Variants in ATP8A2 observed in about 807,000 individuals in gnomAD.
ATP8A2 encodes phospholipid-transporting ATPase IB.
Under a neutral mutation model 165.6 loss-of-function variants are expected in ATP8A2, and 100 were observed. The ratio of observed to expected loss-of-function variants is 0.60; its 90% CI spans 0.51 to 0.71. The LOEUF (loss-of-function observed/expected upper bound fraction) is 0.71, where lower values mean the gene tolerates loss of function less well. ATP8A2 is among the 30% of genes least tolerant of loss of function. The pLI is 0.00. For synonymous variants in ATP8A2, 543 were observed against 548.8 expected, an observed-to-expected ratio of 0.99 and a Z score of 0.15; for missense variants, 1,227 against 1,479.5, an observed-to-expected ratio of 0.83 and a Z score of 2.80.
At chr13:25,930,221 A>T (rs1299530871) in intron 33 of ATP8A2, among the ~76,000 whole-genome samples, 2 of 152,150 alleles carry the variant, frequency 1.3e-5, no homozygotes, top group African/African-American at 2.4e-5. Context: ...TCTTTTAACA[A>T]TGTGAATCAA....
chr13:25,774,772 T>A (rs951405651), intron 26 of ATP8A2, 77 bp from the exon 27 acceptor site: 1 of 829,568 alleles, frequency 1.2e-6, no homozygotes, highest in African/African-American at 1.7e-5. Context: ...CTGACTTCTG[T>A]TCATAAGGAC....
chr13:25,687,295 T>C (rs1593196221), intron 24 of ATP8A2, among the ~76,000 whole-genome samples: 1 of 152,336 alleles, frequency 6.6e-6, no homozygotes, highest in East Asian at 1.9e-4. Context: ...GTGATCTCTT[T>C]TTCCATTCTT....
intron 24 of ATP8A2, among the ~76,000 whole-genome samples, chr13:25,651,185 C>G (rs2041803081): frequency 6.6e-6 from 1 of 152,126 alleles, no homozygotes; most frequent in African/African-American, 2.4e-5. Context: ...TTGCTCAAAC[C>G]TGTAATCCCA....
At chr13:25,960,644 C>T (rs1027449863) in intron 33 of ATP8A2, among the ~76,000 whole-genome samples, 22 of 152,100 alleles carry the variant, frequency 1.4e-4, no homozygotes, top group Non-Finnish European at 2.9e-5. Flanking sequence ...GGCTTTTGCT[C>T]ATTCAAAACC....
chr13:25,386,524 A>G (rs1461529057), intron 1 of ATP8A2, among the ~76,000 whole-genome samples: 1 of 152,170 alleles, frequency 6.6e-6, no homozygotes, highest in African/African-American at 2.4e-5. Flanking sequence ...GAATCCAAAT[A>G]GCCATTTCCT....
chr13:25,673,973 T>C (rs1399117393), intron 24 of ATP8A2, among the ~76,000 whole-genome samples: 2 of 152,186 alleles, frequency 1.3e-5, no homozygotes, highest in Non-Finnish European at 2.9e-5. Context: ...ACAAGCTGTT[T>C]TTTGTGGTTC....
intron 1 of ATP8A2, among the ~76,000 whole-genome samples, chr13:25,399,397 C>CTTCTTTTTT (rs1555264877): frequency 1.4e-5 from 1 of 74,058 alleles, no homozygotes; most frequent in African/African-American, 5.0e-5. Context: ...AGTGGTTCTT[C>CTTCTTTTTT]TTTTTTTTTT....
At chr13:25,440,932 C>T (rs1475013381) in intron 1 of ATP8A2, among the ~76,000 whole-genome samples, 2 of 152,074 alleles carry the variant, frequency 1.3e-5, no homozygotes, top group African/African-American at 2.4e-5. Flanking sequence ...TAGATGAATA[C>T]TTAAAAGGAT....
At chr13:25,455,915 C>T (rs867972766) in intron 1 of ATP8A2, among the ~76,000 whole-genome samples, 31 of 152,100 alleles carry the variant, frequency 2.0e-4, no homozygotes, top group African/African-American at 5.8e-4. Context: ...ATAGTTTTTC[C>T]ATTCTCTACT....
chr13:25,830,015 T>G (rs1951423270), intron 28 of ATP8A2, among the ~76,000 whole-genome samples: 1 of 151,112 alleles, frequency 6.6e-6, no homozygotes, highest in South Asian at 2.1e-4. Context: ...TTGCAATTTT[T>G]TTTTTTTTTT....
At chr13:25,836,120 G>A (rs1951596740) in intron 28 of ATP8A2, among the ~76,000 whole-genome samples, 1 of 152,156 alleles carries the variant, frequency 6.6e-6, no homozygotes, top group Non-Finnish European at 1.5e-5. Flanking sequence ...GGTAAACTGG[G>A]CCCTTTCTGG....
intron 33 of ATP8A2, among the ~76,000 whole-genome samples, chr13:25,906,050 A>G (rs1953927017): frequency 1.3e-5 from 2 of 152,246 alleles, no homozygotes; most frequent in East Asian, 3.9e-4. Context: ...TGCCTGCATG[A>G]TGAGGCCTTA....
intron 2 of ATP8A2, among the ~76,000 whole-genome samples, chr13:25,509,442 C>A (rs2037151556): frequency 6.6e-6 from 1 of 151,882 alleles, no homozygotes; most frequent in Admixed American, 6.6e-5. Flanking sequence ...TAAGAAACTA[C>A]CCACACAAAT....
chr13:25,725,582 A>G (rs2043475682), intron 25 of ATP8A2, among the ~76,000 whole-genome samples: 1 of 152,190 alleles, frequency 6.6e-6, no homozygotes, highest in African/African-American at 2.4e-5. Flanking sequence ...CTGTGGGTAT[A>G]AAATGGCTGT....
In ATP8A2 at chr13:26,025,829, A is replaced by T. The variant is rs970978743; in HGVS notation, c.*5844A>T. On this transcript the variant is annotated 3_prime_UTR_variant, in exon 37 of 37. Transcript: ENST00000381655. ...GTGTATGTCTGCGCAAACCTGTTTC[A>T]AATAAATCTTTTGTTAAAGTAAGTG... 2.6e-5 allele frequency: 4 copies of T among 152,204 alleles called. No individual in the cohort carries two copies. The highest frequency in any genetic ancestry group is 5.9e-5 in the Non-Finnish European group (4 of 68,050). 9.4% of individuals were successfully genotyped at this position (152,204 alleles called of 1,614,324 possible).
At chr13:25,578,229 A>C (rs1457751144) in intron 20 of ATP8A2, among the ~76,000 whole-genome samples, 2 of 152,184 alleles carry the variant, frequency 1.3e-5, no homozygotes, top group Non-Finnish European at 2.9e-5. Flanking sequence ...GTTTAAAAAA[A>C]TTTTTGTAAT....
chr13:25,414,300 C>T (rs1358278436), intron 1 of ATP8A2, among the ~76,000 whole-genome samples: 1 of 150,646 alleles, frequency 6.6e-6, no homozygotes, highest in African/African-American at 2.4e-5. Flanking sequence ...AAGCGATTTT[C>T]CTGCCCCAGC....
chr13:26,020,231 T>C lies in ATP8A2; in HGVS notation c.*246T>C, dbSNP rs1957062778. On this transcript the variant is annotated 3_prime_UTR_variant, in exon 37 of 37. Transcript: ENST00000381655. ...TTAGCCTAACTTTTGTTTATGTCGT[T>C]ATGAAGCATTCAACTGTGCTCTGTG... 1.8e-6 allele frequency: 1 copy of C among 541,660 alleles called. No homozygotes were observed. The highest frequency in any genetic ancestry group is 3.3e-5 in the Admixed American group (1 of 30,320). The allele number at this position is 541,660 out of a possible 1,614,324, so 33.6% of individuals were successfully genotyped here.
chr13:25,524,905 TCC>T (rs1233246747), intron 2 of ATP8A2, among the ~76,000 whole-genome samples: 3 of 148,136 alleles, frequency 2.0e-5, no homozygotes. Flanking sequence ...CTTCCTTCCT[TCC>T]TTCCTTCCTT....
Sources: gnomAD v4.1 joint callset for allele counts (sites outside exome capture counted in the v4.1 genomes callset) on GRCh38, gnomAD v4.1.1 for gene constraint, MANE v1.5 for transcripts, NCBI Gene and HGNC (gene_info 2026-07-23, HGNC 2026-07-21) for gene names.